The following PHTF2 variants were observed in gnomAD, a reference collection of about 807,000 sequenced individuals.
PHTF2 encodes protein PHTF2.
PHTF2 carries 60 observed loss-of-function variants against 101.2 expected under a neutral mutation model. The observed-to-expected ratio is 0.59, with a 90% CI of 0.48 to 0.73. The LOEUF is 0.73. PHTF2 is among the 30% of genes least tolerant of loss of function. The pLI is 0.00. For synonymous variants in PHTF2, 311 were observed against 307.3 expected (o/e 1.01, Z -0.13); for missense variants, 747 against 908.7 (o/e 0.82, Z 2.29).
rs189063595 is a variant in PHTF2 at position 77,836,886 on chromosome 7, A to G, written c.-35-3335A>G. Among the ~76,000 whole-genome samples, 11 of 152,056 alleles carry G rather than the reference A, an allele frequency of 7.2e-5. No individual in the cohort carries two copies. The East Asian group carries it at 1.2e-3, about 16-fold the overall frequency. The stretch of plus-strand genomic sequence containing the variant: ...ATGTAGATGACAGGTTGATGGGTGC[A>G]GCAAACCACCATTGCACGTGTATAC... On this transcript the variant is annotated intron_variant, in intron 1 of 19. Transcript: ENST00000416283.
chr7:77,901,089 A>G (rs1418764431), intron 6 of PHTF2, among the ~76,000 whole-genome samples: 1 of 152,156 alleles, frequency 6.6e-6, no homozygotes, highest in Non-Finnish European at 1.5e-5. Context: ...ACACTTTTAA[A>G]TCACCAGATC....
intron 1 of PHTF2, among the ~76,000 whole-genome samples, chr7:77,833,829 ATAAAT>A (rs567225981): frequency 8.4e-4 from 128 of 152,296 alleles, no homozygotes; most frequent in African/African-American, 2.9e-3. Flanking sequence ...ATCTCTAAAA[ATAAAT>A]TAAATAAGAT....
At chr7:77,956,051 G>A (rs559723500) in exon 20 of PHTF2, 12 of 152,550 alleles carry the variant, frequency 7.9e-5, no homozygotes, top group South Asian at 2.1e-4. Context: ...TAGGTAAATC[G>A]GGCAAATATG....
At chr7:77,818,200 A>G (rs1237598840) in intron 1 of PHTF2, among the ~76,000 whole-genome samples, 3 of 150,054 alleles carry the variant, frequency 2.0e-5, no homozygotes, top group Non-Finnish European at 4.4e-5. Context: ...ATTTTCTCCT[A>G]GTCTATAGGT....
chr7:77,932,621 AGTGTGTGT>A (rs56005414), intron 12 of PHTF2, among the ~76,000 whole-genome samples: 6 of 118,474 alleles, frequency 5.1e-5, no homozygotes, highest in Admixed American at 8.6e-5. Flanking sequence ...AGAGAGAGAG[AGTGTGTGT>A]GTGTGTGTGT....
intron 1 of PHTF2, among the ~76,000 whole-genome samples, chr7:77,829,417 C>G (rs1794917700): frequency 6.6e-6 from 1 of 152,048 alleles, no homozygotes; most frequent in South Asian, 2.1e-4. Flanking sequence ...GTTTATTAGA[C>G]CTTATTTTGC....
chr7:77,822,635 A>G (rs1794382395), intron 1 of PHTF2, among the ~76,000 whole-genome samples: 1 of 152,090 alleles, frequency 6.6e-6, no homozygotes, highest in African/African-American at 2.4e-5. Flanking sequence ...CTTTTCCCTG[A>G]AATGGGAAGT....
chr7:77,853,398 A>AT lies in PHTF2; in HGVS notation c.46-1322dup, dbSNP rs201777573. Reference sequence around the variant, plus strand: ...GTCAGTTGAATTTTTCAGCTCTGGAATTTTTTTTTTTTTGAGACAGAGTCT... The same window carrying AT: ...GTCAGTTGAATTTTTCAGCTCTGGAATTTTTTTTTTTTTTGAGACAGAGTCT... On this transcript the variant is annotated intron_variant, in intron 2 of 19. Coordinates refer to ENST00000416283, the Ensembl canonical transcript of PHTF2. Among the ~76,000 whole-genome samples the AT allele has an allele frequency of 1.0e-3, 149 of 146,108 alleles. 1 individual carries two copies. Among genetic ancestry groups the AT allele is most frequent in the Middle Eastern group, 3.6e-3 (1 of 280 alleles).
intron 1 of PHTF2, among the ~76,000 whole-genome samples, chr7:77,808,447 A>G (rs1248991394): frequency 6.6e-6 from 1 of 151,970 alleles, no homozygotes; most frequent in Admixed American, 6.6e-5. Context: ...CATGAATTAT[A>G]TTTTCCTGTT....
chr7:77,920,236 A>G, intron 9 of PHTF2, 43 bp from the exon 9 acceptor site: 1 of 1,098,926 alleles, frequency 9.1e-7, no homozygotes. Flanking sequence ...CCTATCCAAA[A>G]TAAGCTAAGT....
At chr7:77,910,305 A>C (rs781017081) in exon 9 of PHTF2, 62 of 1,613,408 alleles carry the variant, frequency 3.8e-5, no homozygotes, top group Middle Eastern at 1.6e-4. Flanking sequence ...CTAGTACCAC[A>C]GATAACACAC....
chr7:77,845,822 G>T (rs1796233537), intron 2 of PHTF2, among the ~76,000 whole-genome samples: 1 of 152,076 alleles, frequency 6.6e-6, no homozygotes, highest in Non-Finnish European at 1.5e-5. Flanking sequence ...GGATTCTTTC[G>T]CAGGTAAGAC....
intron 7 of PHTF2, among the ~76,000 whole-genome samples, chr7:77,908,572 T>C (rs1802077041): frequency 6.6e-6 from 1 of 152,182 alleles, no homozygotes; most frequent in African/African-American, 2.4e-5. Flanking sequence ...AGAGACTATG[T>C]TGGGTGTTGT....
At chr7:77,852,019 T>C (rs1291625513) in intron 2 of PHTF2, among the ~76,000 whole-genome samples, 4 of 152,238 alleles carry the variant, frequency 2.6e-5, no homozygotes, top group African/African-American at 9.6e-5. Flanking sequence ...TTGTGTAGTT[T>C]CCAAAGGTTT....
At chr7:77,832,384 C>T (rs972126291) in intron 1 of PHTF2, among the ~76,000 whole-genome samples, 6 of 152,298 alleles carry the variant, frequency 3.9e-5, no homozygotes, top group South Asian at 2.1e-4. Flanking sequence ...AGAAGACCCC[C>T]GAACTGGGAA....
At chr7:77,820,116 C>T (rs901254069) in intron 1 of PHTF2, among the ~76,000 whole-genome samples, 5 of 152,068 alleles carry the variant, frequency 3.3e-5, no homozygotes, top group East Asian at 3.9e-4. Context: ...CTCAAACTCT[C>T]GACCTCAGAT....
intron 11 of PHTF2, chr7:77,923,664 G>C (rs1803689745): frequency 1.0e-6 from 1 of 985,154 alleles, no homozygotes; most frequent in African/African-American, 1.7e-5. Flanking sequence ...CATGTCATTT[G>C]ATGTAGTGTT....
chr7:77,946,616 C>T (rs538558600), intron 16 of PHTF2, among the ~76,000 whole-genome samples: 2 of 152,266 alleles, frequency 1.3e-5, no homozygotes, highest in South Asian at 4.1e-4. Context: ...AACCAGAGAT[C>T]AGCAAACTTC....
intron 14 of PHTF2, 74 bp downstream of exon 13, chr7:77,940,376 TTA>T: frequency 7.2e-7 from 1 of 1,381,572 alleles, no homozygotes; most frequent in Non-Finnish European, 9.8e-7. Context: ...CTGAAGTACT[TTA>T]TTATTTCATT....
Sources: gnomAD v4.1 joint callset for allele counts (sites outside exome capture counted in the v4.1 genomes callset) on GRCh38, gnomAD v4.1.1 for gene constraint, MANE v1.5 for transcripts, NCBI Gene and HGNC (gene_info 2026-07-23, HGNC 2026-07-21) for gene names.